CRADD: variants seen among roughly 807,000 people sequenced by gnomAD.
CRADD encodes CARD and death domain containing adaptor protein.
Under a neutral mutation model 15.5 loss-of-function variants are expected in CRADD, and 9 were observed. The ratio of observed to expected loss-of-function variants is 0.58; its 90% CI spans 0.35 to 1.01. The LOEUF is 1.01. CRADD is among the 50% of genes least tolerant of loss of function. The pLI, the probability that CRADD is intolerant of heterozygous loss-of-function variation, is 0.02. For synonymous variants in CRADD, 118 were observed against 107.6 expected, an observed-to-expected ratio of 1.10 and a Z score of -0.60; for missense variants, 227 against 250.3, an observed-to-expected ratio of 0.91 and a Z score of 0.63.
intron 2 of CRADD, among the ~76,000 whole-genome samples, chr12:93,885,981 G>A (rs371233937): frequency 3.3e-5 from 5 of 152,054 alleles, no homozygotes; most frequent in Admixed American, 2.6e-4. Flanking sequence ...AGAGGTTGTA[G>A]TGAGCCGAGA....
Position 93,678,886 on chromosome 12 carries a change from GA to G in CRADD, c.116del (p.Asn39ThrfsTer35), listed in dbSNP as rs750053346. The stretch of plus-strand genomic sequence containing the variant: ...CCTCTACCAGGAAGGAATCTTGACG[GA>G]AAACCATATTCAAGAAATCAATGCT... ...QYLYQEGILT[E>X]NHIQEINAQT... On this transcript the variant is annotated frameshift_variant, in exon 2 of 3. Transcript: ENST00000332896. LOFTEE classifies it high-confidence loss of function. 1 of 1,614,180 alleles carries G rather than the reference GA, an allele frequency of 6.2e-7. No individual in the cohort carries two copies. Among genetic ancestry groups the G allele is most frequent in the South Asian group, 1.1e-5 (1 of 91,082 alleles).
At chr12:93,755,340 C>T (rs1398310205) in intron 2 of CRADD, among the ~76,000 whole-genome samples, 2 of 152,216 alleles carry the variant, frequency 1.3e-5, no homozygotes, top group Admixed American at 1.3e-4. Flanking sequence ...GGCCACATGT[C>T]AGCAGAGTCC....
At chr12:93,811,240 ACTT>A (rs1473487629) in intron 2 of CRADD, among the ~76,000 whole-genome samples, 4 of 152,224 alleles carry the variant, frequency 2.6e-5, no homozygotes, top group African/African-American at 4.8e-5. Flanking sequence ...AGGCATGACT[ACTT>A]CTAGTGCCTG....
At chr12:93,684,757 C>G (rs1011369067) in intron 2 of CRADD, among the ~76,000 whole-genome samples, 2 of 152,062 alleles carry the variant, frequency 1.3e-5, no homozygotes, top group African/African-American at 4.8e-5. Context: ...GGACACTGAG[C>G]AGAGAACTGA....
chr12:93,877,857 T>A (rs926562702), intron 2 of CRADD, among the ~76,000 whole-genome samples: 3 of 152,144 alleles, frequency 2.0e-5, no homozygotes, highest in African/African-American at 7.2e-5. Context: ...GTGGCTGTGC[T>A]AGTACCTAAG....
intron 2 of CRADD, among the ~76,000 whole-genome samples, chr12:93,785,852 C>T (rs922674394): frequency 6.6e-6 from 1 of 152,136 alleles, no homozygotes; most frequent in African/African-American, 2.4e-5. Context: ...AGTCACGTGA[C>T]CCTTTGGCCT....
chr12:93,771,479 C>G (rs1316875932), intron 2 of CRADD, among the ~76,000 whole-genome samples: 1 of 152,114 alleles, frequency 6.6e-6, no homozygotes, highest in Non-Finnish European at 1.5e-5. Context: ...AATAATTGCT[C>G]TTTCTATACC....
chr12:93,794,253 G>A (rs899919837), intron 2 of CRADD, among the ~76,000 whole-genome samples: 1 of 152,040 alleles, frequency 6.6e-6, no homozygotes, highest in African/African-American at 2.4e-5. Context: ...ATCTCATTGG[G>A]TCCCATTGCT....
chr12:93,775,498 G>A (rs1957131570), intron 2 of CRADD, among the ~76,000 whole-genome samples: 1 of 152,164 alleles, frequency 6.6e-6, no homozygotes, highest in East Asian at 1.9e-4. Context: ...TTAGGAGTTG[G>A]CATCTCAAGT....
chr12:93,858,344 C>T (rs547725672), intron 2 of CRADD, among the ~76,000 whole-genome samples: 5 of 152,266 alleles, frequency 3.3e-5, no homozygotes, highest in African/African-American at 7.2e-5. Context: ...GGGAGCATGA[C>T]GAAGGACGGA....
At chr12:93,841,172 G>A (rs576883162) in intron 2 of CRADD, among the ~76,000 whole-genome samples, 14 of 152,070 alleles carry the variant, frequency 9.2e-5, no homozygotes, top group Admixed American at 7.9e-4. Flanking sequence ...TGCAAACGTA[G>A]GATACATTCT....
At chr12:93,878,234 TG>T (rs1958471327) in intron 2 of CRADD, among the ~76,000 whole-genome samples, 2 of 152,252 alleles carry the variant, frequency 1.3e-5, no homozygotes, top group African/African-American at 4.8e-5. Flanking sequence ...ACAGTGTTAC[TG>T]GGGAGTGGGT....
At chr12:93,863,044 T>A (rs1958330138) in intron 2 of CRADD, among the ~76,000 whole-genome samples, 1 of 152,216 alleles carries the variant, frequency 6.6e-6, no homozygotes, top group African/African-American at 2.4e-5. Flanking sequence ...TCTGGAACCT[T>A]CTTTTCCTTC....
chr12:93,878,017 G>A (rs1036820374), intron 2 of CRADD, among the ~76,000 whole-genome samples: 1 of 152,134 alleles, frequency 6.6e-6, no homozygotes, highest in Non-Finnish European at 1.5e-5. Context: ...CATATTACCC[G>A]AGTGTTGCTA....
chr12:93,720,962 T>C (rs11107165), intron 2 of CRADD, among the ~76,000 whole-genome samples: 2,378 of 152,326 alleles, frequency 0.016, 71 homozygotes, highest in African/African-American at 0.055. Flanking sequence ...GTTATTGTGT[T>C]TTATTTGTTG....
At chr12:93,845,760 A>T (rs1456827278) in intron 2 of CRADD, among the ~76,000 whole-genome samples, 2 of 152,124 alleles carry the variant, frequency 1.3e-5, no homozygotes, top group Admixed American at 1.3e-4. Flanking sequence ...CAACAATGGG[A>T]TTCTTTTAAT....
intron 2 of CRADD, among the ~76,000 whole-genome samples, chr12:93,839,956 C>T (rs1019224150): frequency 6.6e-6 from 1 of 152,200 alleles, no homozygotes; most frequent in Non-Finnish European, 1.5e-5. Flanking sequence ...CTTCTGACCA[C>T]AGGCCATAAA....
intron 2 of CRADD, among the ~76,000 whole-genome samples, chr12:93,688,410 C>T (rs1955486114): frequency 6.8e-6 from 1 of 147,738 alleles, no homozygotes; most frequent in Non-Finnish European, 1.5e-5. Flanking sequence ...GGCTGAGGCA[C>T]AAGAATCACT....
At chr12:93,823,302 A>C (rs113290660) in intron 2 of CRADD, among the ~76,000 whole-genome samples, 31 of 140,090 alleles carry the variant, frequency 2.2e-4, no homozygotes, top group Non-Finnish European at 3.5e-4. Flanking sequence ...CAAAAACAAA[A>C]AAAAAAAAAA....
Sources: gnomAD v4.1 joint callset for allele counts (sites outside exome capture counted in the v4.1 genomes callset) on GRCh38, gnomAD v4.1.1 for gene constraint, MANE v1.5 for transcripts, NCBI Gene and HGNC (gene_info 2026-07-23, HGNC 2026-07-21) for gene names.